The following EPHA3 variants were observed in gnomAD, a reference collection of about 807,000 sequenced individuals.
EPHA3 encodes the protein ephrin type-A receptor 3.
In EPHA3, 42 loss-of-function variants were observed where a neutral mutation model predicts 107.1. The observed-to-expected ratio is 0.39, with a 90% CI of 0.31 to 0.51. EPHA3 has a LOEUF of 0.51. Ranked by LOEUF, EPHA3 falls within the 20% of genes least tolerant of loss-of-function variation. The pLI, the probability that EPHA3 is intolerant of heterozygous loss-of-function variation, is 0.78. For missense variants in EPHA3, 1,183 were observed against 1,211.2 expected, an observed-to-expected ratio of 0.98 and a Z score of 0.35; for synonymous variants, 461 against 424.8, an observed-to-expected ratio of 1.09 and a Z score of -1.05.
At chr3:89,343,058 G>A (rs1262276886) in intron 5 of EPHA3, among the ~76,000 whole-genome samples, 1 of 152,112 alleles carries the variant, frequency 6.6e-6, no homozygotes, top group Non-Finnish European at 1.5e-5. Flanking sequence ...CTTACATTAT[G>A]GACATCCCTC....
intron 2 of EPHA3, among the ~76,000 whole-genome samples, chr3:89,199,335 A>C (rs2107156666): frequency 6.6e-6 from 1 of 152,302 alleles, no homozygotes; most frequent in Admixed American, 6.5e-5. Flanking sequence ...TTATAAGTAA[A>C]CATATTTCAC....
At chr3:89,433,730 T>C (rs775493342) in intron 13 of EPHA3, among the ~76,000 whole-genome samples, 14 of 152,188 alleles carry the variant, frequency 9.2e-5, no homozygotes, top group Non-Finnish European at 1.8e-4. Context: ...AAATTTCTTA[T>C]CTTGTAGCTA....
intron 2 of EPHA3, among the ~76,000 whole-genome samples, chr3:89,185,181 A>G (rs1705534815): frequency 6.6e-6 from 1 of 152,066 alleles, no homozygotes; most frequent in African/African-American, 2.4e-5. Flanking sequence ...CATCAGTAAT[A>G]TAATTGTAAC....
chr3:89,137,191 A>G (rs1474762995), intron 2 of EPHA3, among the ~76,000 whole-genome samples: 2 of 151,982 alleles, frequency 1.3e-5, no homozygotes, highest in African/African-American at 4.8e-5. Flanking sequence ...TATAAAGAGT[A>G]TATTCAGACT....
At chr3:89,287,716 A>G (rs1706122112) in intron 3 of EPHA3, among the ~76,000 whole-genome samples, 1 of 152,140 alleles carries the variant, frequency 6.6e-6, no homozygotes, top group Non-Finnish European at 1.5e-5. Flanking sequence ...ATTTTAACAA[A>G]AATCACTGAG....
At chr3:89,418,111 C>T (rs543402685) in intron 10 of EPHA3, among the ~76,000 whole-genome samples, 97 of 151,492 alleles carry the variant, frequency 6.4e-4, no homozygotes, top group Middle Eastern at 3.4e-3. Context: ...GCATGAAGCT[C>T]ATAGAAAATT....
At chr3:89,231,473 T>G (rs2107225709) in intron 3 of EPHA3, among the ~76,000 whole-genome samples, 1 of 152,350 alleles carries the variant, frequency 6.6e-6, no homozygotes, top group East Asian at 1.9e-4. Flanking sequence ...GCCTTTTTCC[T>G]TCTTGCTTCC....
At chr3:89,316,502 T>A (rs1706903781) in intron 3 of EPHA3, among the ~76,000 whole-genome samples, 1 of 98,542 alleles carries the variant, frequency 1.0e-5, no homozygotes. Flanking sequence ...TGTGTGTGTG[T>A]GTAATATATA....
chr3:89,247,700 G>T (rs1705068959), intron 3 of EPHA3, among the ~76,000 whole-genome samples: 1 of 152,142 alleles, frequency 6.6e-6, no homozygotes, highest in African/African-American at 2.4e-5. Context: ...GTTCAGTTTT[G>T]GGTATTTTGT....
chr3:89,367,379 G>C (rs185023392), intron 5 of EPHA3, among the ~76,000 whole-genome samples: 1 of 150,344 alleles, frequency 6.7e-6, no homozygotes, highest in African/African-American at 2.4e-5. Context: ...CTGGCCTCCC[G>C]TGTACCCACA....
chr3:89,151,927 C>A (rs1704698449), intron 2 of EPHA3, among the ~76,000 whole-genome samples: 4 of 152,034 alleles, frequency 2.6e-5, no homozygotes, highest in Admixed American at 2.6e-4. Context: ...TACCTTTACT[C>A]TTAGAAATAG....
intron 2 of EPHA3, among the ~76,000 whole-genome samples, chr3:89,172,044 C>G (rs1340264427): frequency 9.9e-5 from 15 of 152,100 alleles, no homozygotes; most frequent in Non-Finnish European, 2.9e-5. Flanking sequence ...TTCTTCTCTA[C>G]TCCCCCACCA....
intron 3 of EPHA3, among the ~76,000 whole-genome samples, chr3:89,254,837 G>T (rs1705243877): frequency 6.6e-6 from 1 of 152,166 alleles, no homozygotes; most frequent in Non-Finnish European, 1.5e-5. Flanking sequence ...ATCAGAACTG[G>T]CAAGACATCT....
chr3:89,146,334 A>G (rs573449842), intron 2 of EPHA3, among the ~76,000 whole-genome samples: 1 of 152,010 alleles, frequency 6.6e-6, no homozygotes, highest in East Asian at 1.9e-4. Context: ...TGCATGAGTA[A>G]TGATGCTGCC....
intron 2 of EPHA3, among the ~76,000 whole-genome samples, chr3:89,176,013 A>G (rs1248143207): frequency 6.6e-6 from 1 of 152,062 alleles, no homozygotes. Context: ...AGTTTCAGAT[A>G]TTTTTGTGAG....
At chr3:89,459,558 A>G (rs1470565073) in intron 15 of EPHA3, among the ~76,000 whole-genome samples, 1 of 140,142 alleles carries the variant, frequency 7.1e-6, no homozygotes, top group Admixed American at 7.7e-5. Flanking sequence ...TTCTTTCTTG[A>G]CAGTGTTTCA....
At chr3:89,450,539 C>T (rs923953877) in intron 15 of EPHA3, among the ~76,000 whole-genome samples, 169 bp downstream of exon 15, 6 of 152,220 alleles carry the variant, frequency 3.9e-5, no homozygotes, top group Admixed American at 3.3e-4. Context: ...AACTAATTCT[C>T]GTCCTCCTTA....
In EPHA3 at chr3:89,450,300, A is replaced by G; in HGVS notation, c.2620A>G (p.Ile874Val). 1 of 1,614,020 alleles carries G rather than the reference A, an allele frequency of 6.2e-7. No individual in the cohort carries two copies. Among genetic ancestry groups the G allele is most frequent in the Non-Finnish European group, 8.5e-7 (1 of 1,179,948 alleles). Reference sequence around the variant, plus strand: ...GAACAACAGACCCAAGTTTGAGCAGATTGTTAGTATTCTGGACAAGCTTAT... The same window carrying G: ...GAACAACAGACCCAAGTTTGAGCAGGTTGTTAGTATTCTGGACAAGCTTAT... ...DRNNRPKFEQIVSILDKLIRN... is the reference protein window; with the variant it reads ...DRNNRPKFEQVVSILDKLIRN... The change falls in exon 15 of 17, where the codon ATT (isoleucine) becomes GTT (valine). Residue 874 changes from isoleucine to valine, a missense_variant. Transcript: ENST00000336596.
chr3:89,360,198 T>C (rs1335504180), intron 5 of EPHA3, among the ~76,000 whole-genome samples: 1 of 150,878 alleles, frequency 6.6e-6, no homozygotes, highest in Non-Finnish European at 1.5e-5. Flanking sequence ...ATAATGTGCT[T>C]AAATCAAGCC....
Sources: allele counts gnomAD v4.1 joint callset (sites outside exome capture counted in the v4.1 genomes callset), GRCh38; gene constraint gnomAD v4.1.1; transcripts MANE v1.5; gene names NCBI Gene and HGNC (gene_info 2026-07-23, HGNC 2026-07-21).